The following MST1 variants were observed in gnomAD, a reference collection of about 807,000 sequenced individuals.
The protein encoded by MST1 is macrophage stimulating 1, also known as hepatocyte growth factor-like protein.
MST1 carries 76 observed loss-of-function variants against 100.1 expected under a neutral mutation model. The ratio of observed to expected loss-of-function variants is 0.76; its 90% CI spans 0.63 to 0.92. MST1 has a LOEUF of 0.92. MST1 is among the 40% of genes least tolerant of loss of function. MST1 has a pLI of 0.00. For missense variants in MST1, 850 were observed against 990.0 expected (o/e 0.86, Z 1.90); for synonymous variants, 352 against 385.4 (o/e 0.91, Z 1.01).
At position 49,686,994 on chromosome 3, in the gene MST1, C is replaced by G; in HGVS notation, c.681G>C (p.Gln227His). The change falls in exon 6 of 18, where the codon CAG becomes CAC. Residue 227 changes from glutamine to histidine, a missense_variant. Around this residue, in one of 2 missense-constraint regions of MST1, gnomAD observed 816 missense variants for 924.6 expected, o/e 0.88. Coordinates refer to ENST00000449682, the MANE Select transcript of MST1 (RefSeq NM_020998.4). ...GGTGCGGGTGCTGAAGATCCCAGCGCTGGCACTCGCGCCCTGACTCCGTGC... is the reference window on the plus strand; with the variant it reads ...GGTGCGGGTGCTGAAGATCCCAGCGGTGGCACTCGCGCCCTGACTCCGTGC... The part of the protein sequence containing the change: ...VDRTESGREC[Q>H]RWDLQHPHQH... 1 of 1,611,314 alleles carries G rather than the reference C, an allele frequency of 6.2e-7. No individual in the cohort carries two copies. Among genetic ancestry groups the G allele is most frequent in the Non-Finnish European group, 8.5e-7 (1 of 1,179,792 alleles).
rs1431368226 is a variant in MST1, at chr3:49,684,273, C to T, written c.2016+41G>A. 3.7e-6 allele frequency: 6 copies of T among 1,611,928 alleles called. No homozygotes were observed. In the East Asian group the frequency reaches 8.9e-5, roughly 24 times the overall value. On this transcript the variant is annotated intron_variant, in intron 17 of 17. Transcript: ENST00000449682. ...TGATAAAATAGTTCATTTCTAGCCCCCCATACCCTTCCAGGGCTGGCCCAG... is the reference window on the plus strand; with the variant it reads ...TGATAAAATAGTTCATTTCTAGCCCTCCATACCCTTCCAGGGCTGGCCCAG...
rs1356471538 is a variant in MST1, at chr3:49,689,118, C to T, written c.-427G>A. 2.6e-5 allele frequency: 4 copies of T among 155,752 alleles called. No individual in the cohort carries two copies. The highest frequency in any genetic ancestry group is 4.8e-5 in the African/African-American group (2 of 41,528). The allele number at this position is 155,752 out of a possible 1,614,324, so 9.6% of individuals were successfully genotyped here. A position where few individuals can be genotyped will look rare whatever the true frequency, so the allele number is the denominator to read the frequency against. On this transcript the variant is annotated 5_prime_UTR_variant, in exon 1 of 18. Transcript: ENST00000449682. ...AGGCCCCAGCTGTAGGCAGGTCAGC[C>T]CACACCCGGCGGCAGAGCCCAGAGA...
rs1239936679 is a variant in MST1 at position 49,685,945 on chromosome 3, C to T, written c.1165G>A (p.Gly389Arg). ...VRPQDCYHGA[G>R]EQYRGTVSKT... is the part of the protein sequence containing the mutation. ...CTGACCGTGCCGCGGTACTGCTCCC[C>T]TGCGCCGTGGTAGCAGTCTGTGGCG... Residue 389 changes from glycine (G) to arginine (R), a missense_variant, in exon 10 of 18, where the codon GGG becomes AGG. By Grantham distance (125) the Gly-to-Arg change is moderately radical (BLOSUM62 -2). This residue lies in a region of MST1 where 816 missense variants were observed against 924.6 expected (regional missense o/e 0.88). Coordinates refer to ENST00000449682, the MANE Select transcript of MST1 (RefSeq NM_020998.4). 3.1e-6 allele frequency: 5 copies of T among 1,609,784 alleles called. No individual in the cohort carries two copies. Among genetic ancestry groups the T allele is most frequent in the Admixed American group, 1.7e-5 (1 of 59,928 alleles).
In MST1 at chr3:49,686,709, T is replaced by C. The variant is rs768717245; in HGVS notation, c.822A>G (p.Arg274=). Reference sequence around the variant, plus strand: ...CGCAGCGGGGGAGGTCACAGAACTCTCGCTCGATCTGCGGATCCGTAGTGT... The same window carrying C: ...CGCAGCGGGGGAGGTCACAGAACTCCCGCTCGATCTGCGGATCCGTAGTGT... The part of the protein sequence containing the change: ...WCYTTDPQIE[R]EFCDLPRCGS... Residue 274 remains arginine (R), a synonymous_variant, in exon 7 of 18, where the codon CGA becomes CGG. Coordinates refer to ENST00000449682, the MANE Select transcript of MST1 (RefSeq NM_020998.4). 109 of 1,581,692 alleles carry C rather than the reference T, an allele frequency of 6.9e-5. No individual in the cohort carries two copies. The highest frequency in any genetic ancestry group is 2.2e-4 in the Middle Eastern group (1 of 4,510).
In MST1 at chr3:49,687,680, A is replaced by G. The variant is rs762078728; in HGVS notation, c.243-12T>C. On this transcript the variant is annotated splice_polypyrimidine_tract_variant and intron_variant, in intron 2 of 17. Transcript: ENST00000449682. ...TGTAGTGGAAGGCCCTGGAGAGAAG[A>G]AGGCACAGGGTAACGCCACAGCCCA... 21 of 1,613,304 alleles carry G rather than the reference A, an allele frequency of 1.3e-5. No individual in the cohort carries two copies. Among genetic ancestry groups the G allele is most frequent in the Non-Finnish European group, 1.7e-5 (20 of 1,179,864 alleles).
In MST1 at chr3:49,684,804, C is replaced by T. The variant is rs1157230035; in HGVS notation, c.1703G>A (p.Arg568Gln). 16 of 1,613,376 alleles carry T rather than the reference C, an allele frequency of 9.9e-6. No homozygotes were observed. The highest frequency in any genetic ancestry group is 2.2e-5 in the East Asian group (1 of 44,900). The change falls in exon 15 of 18, where the codon CGG (arginine) becomes CAG (glutamine). Residue 568 changes from arginine (R) to glutamine (Q), a missense_variant. Arg to Gln is a conservative substitution (Grantham distance 43). Transcript: ENST00000449682. ...ACACACCATCTTGGCTACTGGGACC[C>T]GCTGTAGGCTTGGCTCTCCATGCTG... ...NPQHGEPSLQRVPVAKMVCGP... is the reference protein window; with the variant it reads ...NPQHGEPSLQQVPVAKMVCGP...
chr3:49,684,275 C>T, intron 17 of MST1, 39 bp downstream of exon 17: 6 of 1,611,946 alleles, frequency 3.7e-6, no homozygotes, highest in Non-Finnish European at 5.1e-6. Flanking sequence ...TCTAGCCCCC[C>T]ATACCCTTCC....
rs757423148 is a variant in MST1, at chr3:49,687,606, G to C, written c.305C>G (p.Pro102Arg). The change falls in exon 3 of 18, where the codon CCC becomes CGC. Residue 102 changes from proline to arginine, a missense_variant. Transcript: ENST00000449682. Reference sequence around the variant, plus strand: ...CCCAGAACGCCGCAGCCTCGTGTGGGGCGAGTGTTGAGTCCATGGCAGCAG... The same window carrying C: ...CCCAGAACGCCGCAGCCTCGTGTGGCGCGAGTGTTGAGTCCATGGCAGCAG... ...CQLLPWTQHS[P>R]HTRLRRSGRC... The C allele has an allele frequency of 6.8e-6, 11 of 1,613,622 alleles. No homozygotes were observed. The highest frequency in any genetic ancestry group is 9.3e-6 in the Non-Finnish European group (11 of 1,179,872).
Position 49,687,670 on chromosome 3 carries a change from T to C in MST1, c.243-2A>G. The C allele has an allele frequency of 6.2e-7, 1 of 1,613,420 alleles. No individual in the cohort carries two copies. Among genetic ancestry groups the C allele is most frequent in the Non-Finnish European group, 8.5e-7 (1 of 1,179,864 alleles). The stretch of plus-strand genomic sequence containing the variant: ...CTGCTCACGTTGTAGTGGAAGGCCC[T>C]GGAGAGAAGAAGGCACAGGGTAACG... On this transcript the variant is annotated splice_acceptor_variant, in intron 2 of 17. Coordinates refer to ENST00000449682, the MANE Select transcript of MST1 (RefSeq NM_020998.4). LOFTEE classifies it high-confidence loss of function.
rs1257286689 is a variant in MST1 at position 49,689,426 on chromosome 3, T to TG, written c.-736dup. ...GAGGCCTTTCGGCGAAGCTGAGGCC[T>TG]GGAACAACCCGGTGGGAAGCCATGG... On this transcript the variant is annotated 5_prime_UTR_variant, in exon 1 of 18. An upstream open reading frame in the 5' UTR loses its in-frame stop. Transcript: ENST00000449682. 6.6e-6 allele frequency: 1 copy of TG among 152,324 alleles called. No homozygotes were observed. The highest frequency in any genetic ancestry group is 1.9e-4 in the East Asian group (1 of 5,194). 9.4% of individuals were successfully genotyped at this position (152,324 alleles called of 1,614,324 possible).
chr3:49,686,577 C>A (rs2053776716), intron 7 of MST1, 96 bp from the exon 8 acceptor site: 3 of 1,559,602 alleles, frequency 1.9e-6, no homozygotes, highest in African/African-American at 2.7e-5. Flanking sequence ...CGGTACTCCA[C>A]GGGGTATGCT....
rs1437124540 is a variant in MST1, at chr3:49,687,834, T to A, written c.158A>T (p.His53Leu). 4.3e-6 allele frequency: 7 copies of A among 1,613,486 alleles called. No homozygotes were observed. The African/African-American group carries it at 8.0e-5, about 18-fold the overall frequency. Residue 53 changes from histidine to leucine, a missense_variant, in exon 2 of 18, where the codon CAT becomes CTT. Around this residue, in one of 2 missense-constraint regions of MST1, gnomAD observed 34 missense variants for 65.5 expected, o/e 0.52. Transcript: ENST00000449682. ...LRGTELQHLL[H>L]AVVPGPWQED... ...CTGCCAAGGCCCGGGCACCACCGCA[T>A]GTAGCAGGTGCTGTAGCTCTGTGCC...
Position 49,688,975 on chromosome 3 carries a change from C to G in MST1, c.-284G>C, listed in dbSNP as rs2054034171. 2 of 326,210 alleles carry G rather than the reference C, an allele frequency of 6.1e-6. No homozygotes were observed. Among genetic ancestry groups the G allele is most frequent in the Non-Finnish European group, 1.1e-5 (2 of 174,922 alleles). 20.2% of individuals were successfully genotyped at this position (326,210 alleles called of 1,614,324 possible). A position where few individuals can be genotyped will look rare whatever the true frequency, so the allele number is the denominator to read the frequency against. ...GTGAGAGCTGCCAGAGGTCTGGGCT[C>G]CAGCCCCTGGGTGACATTAAACTTT... On this transcript the variant is annotated 5_prime_UTR_variant, in exon 1 of 18. Transcript: ENST00000449682.
rs150531640 is a variant in MST1 at position 49,684,322 on chromosome 3, C to T, written c.2008G>A (p.Ala670Thr). 2.5e-6 allele frequency: 4 copies of T among 1,613,064 alleles called. No homozygotes were observed. Among genetic ancestry groups the T allele is most frequent in the Non-Finnish European group, 3.4e-6 (4 of 1,179,828 alleles). Residue 670 changes from alanine to threonine, a missense_variant, in exon 17 of 18, where the codon GCC becomes ACC. Coordinates refer to ENST00000449682, the MANE Select transcript of MST1 (RefSeq NM_020998.4). ...AGGGCCCTGCCACCAACCTCACAGG[C>T]CCCCACAGGGGCCAACAGTCCCTCA... The part of the protein sequence containing the change: ...CTEGLLAPVG[A>T]CEGDYGGPLA...
At position 49,686,969 on chromosome 3, in the gene MST1, G is replaced by A. The variant is rs1214073325; in HGVS notation, c.706C>T (p.Gln236Ter). ...TACTTGCCCGGCTCGAAGGGGTGCTGGTGCGGGTGCTGAAGATCCCAGCGC... is the reference window on the plus strand; with the variant it reads ...TACTTGCCCGGCTCGAAGGGGTGCTAGTGCGGGTGCTGAAGATCCCAGCGC... ...CQRWDLQHPH[Q>*]HPFEPGKFLD... is the part of the protein sequence containing the mutation. The change falls in exon 6 of 18, where the codon CAG (glutamine) becomes TAG (stop). Residue 236 changes from glutamine to a stop codon, truncating the protein, a stop_gained. Coordinates refer to ENST00000449682, the MANE Select transcript of MST1 (RefSeq NM_020998.4). LOFTEE classifies it high-confidence loss of function. 1 of 1,611,198 alleles carries A rather than the reference G, an allele frequency of 6.2e-7. No individual in the cohort carries two copies. The highest frequency in any genetic ancestry group is 2.2e-5 in the East Asian group (1 of 44,884).
chr3:49,688,129 G>A, intron 1 of MST1: 1 of 636,964 alleles, frequency 1.6e-6, no homozygotes, highest in South Asian at 2.0e-5. Flanking sequence ...TCTGTTTAGT[G>A]GCCCAGGCAC....
rs763572849 is a variant in MST1 at position 49,684,343 on chromosome 3, C to T, written c.1987G>A (p.Gly663Arg). Reference protein sequence around the residue: ...RVRESEMCTEGLLAPVGACEG... With the variant: ...RVRESEMCTERLLAPVGACEG... ...CAGGCCCCCACAGGGGCCAACAGTCCCTCAGTGCACATCTCACTCTCCCGC... is the reference window on the plus strand; with the variant it reads ...CAGGCCCCCACAGGGGCCAACAGTCTCTCAGTGCACATCTCACTCTCCCGC... The change falls in exon 17 of 18, where the codon GGA (glycine) becomes AGA (arginine). Residue 663 changes from glycine (G) to arginine (R), a missense_variant. Physicochemically the swap from Gly to Arg is moderately radical, Grantham distance 125. Coordinates refer to ENST00000449682, the MANE Select transcript of MST1 (RefSeq NM_020998.4). 1.2e-6 allele frequency: 2 copies of T among 1,613,214 alleles called. No homozygotes were observed. Among genetic ancestry groups the T allele is most frequent in the East Asian group, 2.2e-5 (1 of 44,896 alleles).
chr3:49,684,461 G>A lies in MST1; in HGVS notation c.1877-8C>T. The stretch of plus-strand genomic sequence containing the variant: ...CTGTGTCATTACCCGTACCTGCAGT[G>A]AGGGGAATGGGGAGAGGGAGAGGGT... On this transcript the variant is annotated splice_region_variant and splice_polypyrimidine_tract_variant and intron_variant, in intron 16 of 17. Transcript: ENST00000449682. 1 of 1,613,550 alleles carries A rather than the reference G, an allele frequency of 6.2e-7. No individual in the cohort carries two copies. The highest frequency in any genetic ancestry group is 8.5e-7 in the Non-Finnish European group (1 of 1,179,870).
Position 49,688,683 on chromosome 3 carries a change from C to CAGCCCCAT in MST1, c.1_8dup (p.Trp5GlyfsTer23), listed in dbSNP as rs2054016147. 1 of 1,604,932 alleles carries CAGCCCCAT rather than the reference C, an allele frequency of 6.2e-7. No individual in the cohort carries two copies. The highest frequency in any genetic ancestry group is 8.5e-7 in the Non-Finnish European group (1 of 1,176,442). ...CTGGAGGCTGCACTGTGACCCACCA[C>CAGCCCCAT]AGCCCCATCCGGGAAGTTGTGAAAC... On this transcript the variant is annotated frameshift_variant, in exon 1 of 18. Transcript: ENST00000449682. LOFTEE classifies it high-confidence loss of function.
Sources: gnomAD v4.1 joint callset for allele counts on GRCh38, gnomAD v4.1.1 for gene constraint, gnomAD v4.1.1 regional missense constraint, MANE v1.5 for transcripts, NCBI Gene and HGNC (gene_info 2026-07-23, HGNC 2026-07-21) for gene names.